Variants in RMC1 observed in about 807,000 individuals in gnomAD.
RMC1 encodes regulator of MON1-CCZ1, also known as regulator of MON1-CCZ1 complex.
A neutral mutation model predicts 95.5 loss-of-function variants in RMC1; 44 were observed. That is an observed-to-expected ratio of 0.46 (90% CI 0.36 to 0.59). RMC1 has a LOEUF of 0.59. RMC1 is among the 20% of genes least tolerant of loss of function. RMC1 has a pLI of 0.00. For missense variants in RMC1, 705 were observed against 819.6 expected, an observed-to-expected ratio of 0.86 and a Z score of 1.71; for synonymous variants, 320 against 303.6, an observed-to-expected ratio of 1.05 and a Z score of -0.56.
In RMC1 at chr18:23,508,033, G is replaced by A. The variant is rs2057757374; in HGVS notation, c.313G>A (p.Glu105Lys). The A allele has an allele frequency of 2.5e-6, 4 of 1,610,498 alleles. No individual in the cohort carries two copies. The highest frequency in any genetic ancestry group is 3.4e-6 in the Non-Finnish European group (4 of 1,178,702). ...TAATTCCCAGCTGGAATACACACAG[G>A]AGTGCAAGGTATGACCCCAGGCCCT... is the stretch of plus-strand genomic sequence containing the variant. ...PDNSQLEYTQ[E>K]CKTKNANILG... Residue 105 changes from glutamate (E) to lysine (K), a missense_variant, in exon 4 of 20, where the codon GAG becomes AAG. Glu to Lys is a moderately conservative substitution (Grantham distance 56, BLOSUM62 1). Transcript: ENST00000269221.
chr18:23,531,791 A>T lies in RMC1; in HGVS notation c.*87A>T. On this transcript the variant is annotated 3_prime_UTR_variant, in exon 20 of 20. Transcript: ENST00000269221. ...CTCTTTAAACTATAAAATGTTATAA[A>T]GTGTATCTACAACCTCAACTGTCAC... 6.5e-7 allele frequency: 1 copy of T among 1,547,998 alleles called. No individual in the cohort carries two copies. Among genetic ancestry groups the T allele is most frequent in the South Asian group, 1.2e-5 (1 of 80,674 alleles).
At chr18:23,517,702 C>T (rs143397604) in intron 7 of RMC1, among the ~76,000 whole-genome samples, 2 of 151,820 alleles carry the variant, frequency 1.3e-5, no homozygotes, top group African/African-American at 4.8e-5. Context: ...TAAACGTACT[C>T]TTCTGTGGCA....
chr18:23,521,695 C>T (rs7359706), intron 10 of RMC1, among the ~76,000 whole-genome samples: 2,342 of 77,894 alleles, frequency 0.03, 54 homozygotes, highest in African/African-American at 0.077. Flanking sequence ...CACTCTCTCT[C>T]TTTTTTTTTT....
At chr18:23,508,880 A>C (rs1750114741) in intron 4 of RMC1, 1 of 163,270 alleles carries the variant, frequency 6.1e-6, no homozygotes, top group South Asian at 2.0e-4. Context: ...GGTGACTAAG[A>C]ATGTTGGCAG....
intron 13 of RMC1, among the ~76,000 whole-genome samples, chr18:23,527,197 GACA>G (rs2145269209): frequency 9.0e-6 from 1 of 110,546 alleles, no homozygotes; most frequent in East Asian, 2.7e-4. Flanking sequence ...CAGCCTGGAC[GACA>G]ACATGGCAAA....
At position 23,516,417 on chromosome 18, in the gene RMC1, C is replaced by A; in HGVS notation, c.647C>A (p.Ala216Asp). 1 of 1,613,818 alleles carries A rather than the reference C, an allele frequency of 6.2e-7. No individual in the cohort carries two copies. The highest frequency in any genetic ancestry group is 8.5e-7 in the Non-Finnish European group (1 of 1,179,664). ...CTTTCCGAAAGAGACATCGCAATGG[C>A]TACCATGTATGTCCGTGTCAGAGAG... is the stretch of plus-strand genomic sequence containing the variant. The part of the protein sequence containing the change: ...PSLSERDIAM[A>D]TIYGQLYVLF... The change falls in exon 7 of 20, where the codon GCT becomes GAT. Residue 216 changes from alanine (A) to aspartate (D), a missense_variant. Ala to Asp is a moderately radical substitution (Grantham distance 126, BLOSUM62 -2). Coordinates refer to ENST00000269221, the MANE Select transcript of RMC1 (RefSeq NM_013326.5).
Position 23,516,442 on chromosome 18 carries a change from G to T in RMC1, c.653+19G>T. 6.2e-7 allele frequency: 1 copy of T among 1,608,178 alleles called. No individual in the cohort carries two copies. The highest frequency in any genetic ancestry group is 1.3e-5 in the African/African-American group (1 of 74,910). On this transcript the variant is annotated intron_variant, in intron 7 of 19. Coordinates refer to ENST00000269221, the MANE Select transcript of RMC1 (RefSeq NM_013326.5). ...CTACCATGTATGTCCGTGTCAGAGAGAATTCCATCCTGTGATTGCTTTCAG... is the reference window on the plus strand; with the variant it reads ...CTACCATGTATGTCCGTGTCAGAGATAATTCCATCCTGTGATTGCTTTCAG...
intron 9 of RMC1, 103 bp from the exon 10 acceptor site, chr18:23,520,099 C>T (rs1191951092): frequency 3.6e-5 from 30 of 842,752 alleles, no homozygotes; most frequent in Admixed American, 2.0e-4. Flanking sequence ...GAAATGCAAA[C>T]ACAGGCTTTT....
intron 10 of RMC1, among the ~76,000 whole-genome samples, chr18:23,521,760 C>T (rs2058148778): frequency 6.6e-6 from 1 of 150,718 alleles, no homozygotes; most frequent in South Asian, 2.1e-4. Flanking sequence ...AGTTCAAGAT[C>T]AAGATGTCTG....
chr18:23,521,748 G>C lies in RMC1; in HGVS notation c.961+1435G>C, dbSNP rs1481955737. The stretch of plus-strand genomic sequence containing the variant: ...TATTTTCTCACAGTTCTGGAGGCTA[G>C]AAGTTCAAGATCAAGATGTCTGCAG... On this transcript the variant is annotated intron_variant, in intron 10 of 19. Transcript: ENST00000269221. 4.0e-5 allele frequency among the ~76,000 whole-genome samples: 6 copies of C among 150,540 alleles called. No individual in the cohort carries two copies. The East Asian group carries it at 1.2e-3, about 29-fold the overall frequency.
At chr18:23,520,646 T>G (rs2058119166) in intron 10 of RMC1, among the ~76,000 whole-genome samples, 1 of 150,920 alleles carries the variant, frequency 6.6e-6, no homozygotes, top group Non-Finnish European at 1.5e-5. Context: ...TTTTTTAAAT[T>G]TATTTTTTTG....
Position 23,530,245 on chromosome 18 carries a change from C to T in RMC1, c.1616C>T (p.Ser539Phe). Residue 539 changes from serine (S) to phenylalanine (F), a missense_variant, in exon 18 of 20, where the codon TCC (serine) becomes TTC (phenylalanine). Ser to Phe is a radical substitution (Grantham distance 155). Transcript: ENST00000269221. ...DSKPLACLLLSLESFYPPAHQ... is the reference protein window; with the variant it reads ...DSKPLACLLLFLESFYPPAHQ... ...GTCTTTCAGGCTTGTCTGCTGTTAT[C>T]CCTAGAGAGTTTCTATCCTCCTGCT... 1 of 1,614,210 alleles carries T rather than the reference C, an allele frequency of 6.2e-7. No homozygotes were observed. The highest frequency in any genetic ancestry group is 1.1e-5 in the South Asian group (1 of 91,084).
At chr18:23,520,487 T>C (rs566103227) in intron 10 of RMC1, among the ~76,000 whole-genome samples, 174 bp downstream of exon 10, 1 of 152,298 alleles carries the variant, frequency 6.6e-6, no homozygotes, top group South Asian at 2.1e-4. Flanking sequence ...TTTGAGACAG[T>C]CTCACTGAGT....
chr18:23,507,089 C>T, intron 3 of RMC1, 35 bp downstream of exon 3: 1 of 1,377,624 alleles, frequency 7.3e-7, no homozygotes. Context: ...CATTAAAGGG[C>T]ATTAGAAATA....
rs112647919 is a variant in RMC1 at position 23,527,776 on chromosome 18, G to A, written c.1190-19G>A. ...CATGAAGTTGGTTTGATCCGTGTGT[G>A]AACATTGTGCCTTTCCAGTGTTAAG... On this transcript the variant is annotated intron_variant, in intron 13 of 19. Transcript: ENST00000269221. The A allele has an allele frequency of 7.8e-5, 125 of 1,602,940 alleles. No individual in the cohort carries two copies. The African/African-American group carries it at 1.3e-3, about 17-fold the overall frequency.
chr18:23,510,111 C>G (rs2057813431), intron 5 of RMC1, among the ~76,000 whole-genome samples: 2 of 151,108 alleles, frequency 1.3e-5, no homozygotes, highest in Admixed American at 1.3e-4. Context: ...TGGCTTGAGT[C>G]CAGGAGTCTG....
chr18:23,503,648 G>C lies in RMC1; in HGVS notation c.30G>C (p.Leu10=). Residue 10 remains leucine (L), a synonymous_variant, in exon 1 of 20, where the codon CTG becomes CTC. Transcript: ENST00000269221. ...GCGAGGAGGACTACTATCTGGAGCT[G>C]TGCGAGCGGCCGGTGCAGTTCGAGA... The part of the protein sequence containing the change: MGEEDYYLE[L]CERPVQFEKA... The C allele has an allele frequency of 6.3e-7, 1 of 1,589,594 alleles. No individual in the cohort carries two copies. The highest frequency in any genetic ancestry group is 8.6e-7 in the Non-Finnish European group (1 of 1,168,672).
chr18:23,523,543 C>CAAAA lies in RMC1; in HGVS notation c.962-564_962-561dup, dbSNP rs374224848. Among the ~76,000 whole-genome samples the CAAAA allele has an allele frequency of 5.6e-3, 430 of 76,330 alleles. 38 individuals are homozygous for CAAAA. Among genetic ancestry groups the CAAAA allele is most frequent in the East Asian group, 0.018 (34 of 1,888 alleles). The allele number at this position is 76,330 out of a possible 152,430, so 50.1% of individuals were successfully genotyped here. ...CTAGGTAACATAGACCTTGTCTTCA[C>CAAAA]AAAAAAAAAAAAAAAAAAAAAAAAA... On this transcript the variant is annotated intron_variant, in intron 10 of 19. Coordinates refer to ENST00000269221, the MANE Select transcript of RMC1 (RefSeq NM_013326.5).
intron 5 of RMC1, among the ~76,000 whole-genome samples, chr18:23,514,340 C>T (rs1416520902): frequency 6.6e-6 from 1 of 152,184 alleles, no homozygotes; most frequent in East Asian, 1.9e-4. Flanking sequence ...CATGGCGAAA[C>T]CCCGTCTCTA....
Sources: gnomAD v4.1 joint callset for allele counts (sites outside exome capture counted in the v4.1 genomes callset) on GRCh38, gnomAD v4.1.1 for gene constraint, MANE v1.5 for transcripts, NCBI Gene and HGNC (gene_info 2026-07-23, HGNC 2026-07-21) for gene names.